The following CALN1 variants were observed in gnomAD, a reference collection of about 807,000 sequenced individuals.
CALN1 encodes calneuron 1.
In CALN1, 17 loss-of-function variants were observed where a neutral mutation model predicts 30.6. The ratio of observed to expected loss-of-function variants is 0.56; its 90% confidence interval spans 0.38 to 0.83. The LOEUF is 0.83. Ranked by LOEUF, CALN1 falls within the 40% of genes least tolerant of loss-of-function variation. CALN1 has a pLI of 0.00. For synonymous variants in CALN1, 156 were observed against 131.4 expected (o/e 1.19, Z -1.28); for missense variants, 291 against 354.9 (o/e 0.82, Z 1.45).
rs1396368362 is a variant in CALN1, at chr7:72,400,713, T to C, written c.119+2538A>G. Among the ~76,000 whole-genome samples, 3 of 152,060 alleles carry C rather than the reference T, an allele frequency of 2.0e-5. No individual in the cohort carries two copies. The East Asian group carries it at 5.8e-4, about 29-fold the overall frequency. Reference sequence around the variant, plus strand: ...GGTGAAACCCCGTCTCCACGAAAAATATAAAATTAGCTGGGTTTGGTGGTG... The same window carrying C: ...GGTGAAACCCCGTCTCCACGAAAAACATAAAATTAGCTGGGTTTGGTGGTG... On this transcript the variant is annotated intron_variant, in intron 2 of 6. Transcript: ENST00000395275.
intron 2 of CALN1, among the ~76,000 whole-genome samples, chr7:72,356,325 TA>T (rs56183418): frequency 0.051 from 7,760 of 151,432 alleles, 297 homozygotes; most frequent in Middle Eastern, 0.13. Context: ...TAAATGCTAA[TA>T]ATGTTTGGTA....
chr7:72,473,241 G>A, the CALN1 span, among the ~76,000 whole-genome samples: 13 of 151,750 alleles, frequency 8.6e-5, no homozygotes, highest in South Asian at 2.1e-4. Context: ...ATGAGCCACC[G>A]TGCCCGGCCC....
intron 5 of CALN1, among the ~76,000 whole-genome samples, chr7:71,816,820 T>C (rs1584284801): frequency 6.6e-6 from 1 of 151,908 alleles, no homozygotes; most frequent in Admixed American, 6.6e-5. Context: ...ATACAAAAAT[T>C]AGCCCGGCGT....
At chr7:71,849,025 G>A (rs946637455) in intron 5 of CALN1, among the ~76,000 whole-genome samples, 6 of 152,078 alleles carry the variant, frequency 3.9e-5, no homozygotes, top group Admixed American at 1.3e-4. Context: ...TTTTAAATTT[G>A]CATTTAGTCA....
chr7:71,922,664 AACAT>A (rs1157628820), intron 5 of CALN1, among the ~76,000 whole-genome samples: 3 of 135,548 alleles, frequency 2.2e-5, no homozygotes, highest in East Asian at 2.0e-4. Context: ...ATAAATATAT[AACAT>A]ACAGAATATA....
rs1207342953 is a variant in CALN1 at position 72,325,821 on chromosome 7, A to G, written c.120-47011T>C. Among the ~76,000 whole-genome samples the G allele has an allele frequency of 2.0e-5, 3 of 152,204 alleles. No individual in the cohort carries two copies. In the East Asian group the frequency reaches 5.8e-4, roughly 29 times the overall value. On this transcript the variant is annotated intron_variant, in intron 2 of 6. Coordinates refer to ENST00000395275, the MANE Select transcript of CALN1 (RefSeq NM_031468.4). ...GGGAACGGATTGATGGCAACCCACA[A>G]AACAGGCTTGAAAATGCAATAACCT...
intron 5 of CALN1, among the ~76,000 whole-genome samples, chr7:71,922,813 A>G (rs1259023714): frequency 1.4e-5 from 2 of 141,768 alleles, no homozygotes; most frequent in Non-Finnish European, 3.0e-5. Context: ...ATATATAAAT[A>G]TATAATATAC....
chr7:72,205,551 A>AAATATATACATATATACATATATAT lies in CALN1; in HGVS notation c.244+73134_244+73135insATATATATGTATATATGTATATATT. Among the ~76,000 whole-genome samples, 7 of 83,042 alleles carry AAATATATACATATATACATATATAT rather than the reference A, an allele frequency of 8.4e-5. 1 individual carries two copies. The highest frequency in any genetic ancestry group is 1.7e-3 in the East Asian group (2 of 1,144). The allele number at this position is 83,042 out of a possible 152,430, so 54.5% of individuals were successfully genotyped here. A position where few individuals can be genotyped will look rare whatever the true frequency, so the allele number is the denominator to read the frequency against. On this transcript the variant is annotated intron_variant, in intron 3 of 6. Transcript: ENST00000395275. ...ATTTTTCTCCTGATTGCAAAAAAAA[A>AAATATATACATATATACATATATAT]ATATATATATATATATGTATATATA... is the stretch of plus-strand genomic sequence containing the variant.
At chr7:72,017,600 C>T (rs916706037) in intron 5 of CALN1, among the ~76,000 whole-genome samples, 1 of 152,146 alleles carries the variant, frequency 6.6e-6, no homozygotes, top group African/African-American at 2.4e-5. Flanking sequence ...AAGTCCTGAG[C>T]ATGCAAAAAG....
At chr7:72,083,793 C>A (rs1805308893) in intron 4 of CALN1, among the ~76,000 whole-genome samples, 1 of 151,862 alleles carries the variant, frequency 6.6e-6, no homozygotes, top group African/African-American at 2.4e-5. Flanking sequence ...GTGGCATATG[C>A]CTGTAGTCCC....
rs546913908 is a variant in CALN1, at chr7:71,787,657, C to T, written c.*118G>A. The stretch of plus-strand genomic sequence containing the variant: ...CCTTGGGTTCTTTACTGAACGGTTC[C>T]ATCGTCCGCATCCATCCATAGTCCA... On this transcript the variant is annotated 3_prime_UTR_variant, in exon 7 of 7. Transcript: ENST00000395275. 2,316 of 1,421,666 alleles carry T rather than the reference C, an allele frequency of 1.6e-3. 50 individuals carry two copies. The South Asian group carries it at 0.03, about 18-fold the overall frequency. The allele number at this position is 1,421,666 out of a possible 1,614,324, so 88.1% of individuals were successfully genotyped here.
intron 5 of CALN1, among the ~76,000 whole-genome samples, chr7:71,908,046 G>C (rs944276906): frequency 6.6e-6 from 1 of 152,110 alleles, no homozygotes; most frequent in Non-Finnish European, 1.5e-5. Context: ...TCTAGCTTTC[G>C]GGTTATTGCT....
intron 4 of CALN1, among the ~76,000 whole-genome samples, chr7:72,039,984 T>C (rs1802026614): frequency 6.6e-6 from 1 of 152,158 alleles, no homozygotes; most frequent in Non-Finnish European, 1.5e-5. Flanking sequence ...TTTTTGCAGG[T>C]GGCTGAAACA....
intron 5 of CALN1, among the ~76,000 whole-genome samples, chr7:72,006,109 G>A (rs958641400): frequency 6.6e-6 from 1 of 152,158 alleles, no homozygotes; most frequent in African/African-American, 2.4e-5. Flanking sequence ...CTGCATGTGA[G>A]TCTACAGCCA....
chr7:72,476,005 G>C, the CALN1 span, among the ~76,000 whole-genome samples: 56 of 136,728 alleles, frequency 4.1e-4, no homozygotes. Context: ...CTGGAGTGCA[G>C]TGGTGTGATC....
At chr7:72,061,316 T>G (rs910566931) in intron 4 of CALN1, among the ~76,000 whole-genome samples, 1 of 152,200 alleles carries the variant, frequency 6.6e-6, no homozygotes, top group Non-Finnish European at 1.5e-5. Flanking sequence ...GACACAGTTG[T>G]TGGAATTATC....
At chr7:71,846,153 T>C (rs1342911123) in intron 5 of CALN1, among the ~76,000 whole-genome samples, 2 of 152,198 alleles carry the variant, frequency 1.3e-5, no homozygotes, top group Admixed American at 1.3e-4. Context: ...ATTCAGCACC[T>C]GACTGACTGC....
chr7:72,144,070 A>C (rs1810164434), intron 3 of CALN1, among the ~76,000 whole-genome samples: 1 of 152,238 alleles, frequency 6.6e-6, no homozygotes, highest in South Asian at 2.1e-4. Flanking sequence ...GCATCAACTA[A>C]CGAGCAAAAT....
At chr7:72,415,128 T>G (rs4717645), upstream of CALN1, among the ~76,000 whole-genome samples, 25,389 of 152,266 alleles carry the variant, frequency 0.17, 3,167 homozygotes, top group East Asian at 0.34. Flanking sequence ...CCAGCCTCCA[T>G]AGCTGTGAGA....
Sources: allele counts gnomAD v4.1 joint callset (sites outside exome capture counted in the v4.1 genomes callset), GRCh38; gene constraint gnomAD v4.1.1; transcripts MANE v1.5; gene names NCBI Gene and HGNC (gene_info 2026-07-23, HGNC 2026-07-21).